Variants in RAB19 observed in about 807,000 individuals in gnomAD.
The protein encoded by RAB19 is RAB19, member RAS oncogene family.
In RAB19, 21 loss-of-function variants were observed where a neutral mutation model predicts 17.3. The observed-to-expected ratio is 1.21, with a 90% CI of 0.86 to 1.74. RAB19 has a LOEUF of 1.74. Among genes scored for constraint, RAB19 ranks in the 40% most tolerant of loss-of-function variants. RAB19 has a pLI of 0.00. For missense variants in RAB19, 277 were observed against 286.8 expected (o/e 0.97, Z 0.25); for synonymous variants, 126 against 110.4 (o/e 1.14, Z -0.88).
rs376464888 is a variant in RAB19 at position 140,420,773 on chromosome 7, C to G, written c.386-5109C>G. Among the ~76,000 whole-genome samples the G allele has an allele frequency of 1.3e-3, 199 of 152,250 alleles. 1 individual carries two copies. The South Asian group carries it at 0.018, about 13-fold the overall frequency. On this transcript the variant is annotated intron_variant, in intron 3 of 3. Transcript: ENST00000537763. ...GGCACTAGGTTCTCTTGAAGGAGGC[C>G]CCAGCCCTTTGTCAGTTACATATGT...
At chr7:140,425,763 C>A in intron 3 of RAB19, 119 bp from the exon 4 acceptor site, 1 of 1,084,108 alleles carries the variant, frequency 9.2e-7, no homozygotes, top group Non-Finnish European at 1.3e-6. Context: ...CCTCAATGAC[C>A]ATTTGTGAAT....
At chr7:140,419,607 C>T (rs1434484498) in intron 3 of RAB19, among the ~76,000 whole-genome samples, 1 of 152,158 alleles carries the variant, frequency 6.6e-6, no homozygotes, top group Non-Finnish European at 1.5e-5. Flanking sequence ...AATTGCTGCT[C>T]CGAACATTCT....
intron 2 of RAB19, among the ~76,000 whole-genome samples, chr7:140,411,518 A>G (rs902024026): frequency 4.0e-5 from 6 of 150,164 alleles, no homozygotes; most frequent in African/African-American, 9.9e-5. Flanking sequence ...TTACACTAAC[A>G]CTAATGATAC....
At chr7:140,419,748 A>C (rs903999783) in intron 3 of RAB19, among the ~76,000 whole-genome samples, 1 of 152,156 alleles carries the variant, frequency 6.6e-6, no homozygotes, top group African/African-American at 2.4e-5. Flanking sequence ...GTGTACTCCC[A>C]TCAGCAGTGT....
At position 140,407,903 on chromosome 7, in the gene RAB19, T is replaced by G. The variant is rs1464178030; in HGVS notation, c.201+56T>G. The G allele has an allele frequency of 1.6e-5, 18 of 1,146,802 alleles. 1 individual carries two copies. Among genetic ancestry groups the G allele is most frequent in the Non-Finnish European group, 1.9e-5 (16 of 821,460 alleles). 71.0% of individuals were successfully genotyped at this position (1,146,802 alleles called of 1,614,324 possible). ...ACCTTTTTTTTTTTTTTTTTTTTTT[T>G]TTTCCTTGAGACGGAGTCTCGCGCG... On this transcript the variant is annotated intron_variant, in intron 2 of 3. Coordinates refer to ENST00000537763, the MANE Select transcript of RAB19 (RefSeq NM_001008749.3).
chr7:140,409,690 T>G (rs1447603018), intron 2 of RAB19, among the ~76,000 whole-genome samples: 1 of 151,456 alleles, frequency 6.6e-6, no homozygotes, highest in Non-Finnish European at 1.5e-5. Flanking sequence ...AGAGCAAGAC[T>G]CTGTCTCAAA....
intron 3 of RAB19, among the ~76,000 whole-genome samples, chr7:140,416,991 C>T (rs1012813944): frequency 2.3e-4 from 34 of 150,840 alleles, no homozygotes; most frequent in African/African-American, 6.8e-4. Context: ...TTTGGGAGGC[C>T]GAGGCAGGTG....
intron 3 of RAB19, among the ~76,000 whole-genome samples, chr7:140,414,270 G>A (rs1014635092): frequency 1.1e-4 from 16 of 152,036 alleles, no homozygotes; most frequent in African/African-American, 2.9e-4. Flanking sequence ...TCGAACTCCC[G>A]ACCTCAGATG....
chr7:140,419,863 A>G (rs1402080338), intron 3 of RAB19, among the ~76,000 whole-genome samples: 1 of 152,000 alleles, frequency 6.6e-6, no homozygotes, highest in Non-Finnish European at 1.5e-5. Flanking sequence ...AGTGTTTTTC[A>G]TTTGCATTTC....
intron 1 of RAB19, among the ~76,000 whole-genome samples, chr7:140,406,013 C>T (rs1799233697): frequency 1.3e-5 from 2 of 151,768 alleles, no homozygotes; most frequent in South Asian, 2.1e-4. Context: ...GAGGTCAAGG[C>T]GGGCAGATCA....
At chr7:140,416,370 G>A in intron 3 of RAB19, among the ~76,000 whole-genome samples, 1 of 152,090 alleles carries the variant, frequency 6.6e-6, no homozygotes, top group Non-Finnish European at 1.5e-5. Flanking sequence ...ACTTCAAATA[G>A]CTAGTTTAGC....
intron 3 of RAB19, among the ~76,000 whole-genome samples, chr7:140,423,738 G>T (rs73482573): frequency 0.021 from 3,162 of 152,298 alleles, 104 homozygotes; most frequent in African/African-American, 0.072. Flanking sequence ...ACTGTTCAGT[G>T]CTTTGACTGT....
rs1223242176 is a variant in RAB19 at position 140,408,058 on chromosome 7, T to TTA, written c.201+211_201+212insTA. On this transcript the variant is annotated intron_variant, in intron 2 of 3. Transcript: ENST00000537763. ...ACGCCCGGCAAATTTTTTTTTTTTT[T>TTA]ATGTATTTTTAGTAGAGATGGGGTT... is the stretch of plus-strand genomic sequence containing the variant. Among the ~76,000 whole-genome samples the TTA allele has an allele frequency of 2.0e-4, 30 of 149,798 alleles. 1 individual carries two copies. The highest frequency in any genetic ancestry group is 4.2e-4 in the African/African-American group (17 of 40,814).
intron 3 of RAB19, among the ~76,000 whole-genome samples, chr7:140,412,652 G>C (rs1799388903): frequency 6.6e-6 from 1 of 151,330 alleles, no homozygotes. Flanking sequence ...ACAGGCATGA[G>C]CCATTGTGCC....
chr7:140,424,605 CTCTCTCTCTCTCTCTA>C (rs777491213), intron 3 of RAB19, among the ~76,000 whole-genome samples: 17,988 of 122,212 alleles, frequency 0.15, 1,191 homozygotes, highest in Non-Finnish European at 0.19. Context: ...CTCTCTCTCT[CTCTCTCTCTCTCTCTA>C]TATATATATA....
chr7:140,415,081 C>CT (rs201147147), intron 3 of RAB19, among the ~76,000 whole-genome samples: 2,235 of 144,044 alleles, frequency 0.016, 25 homozygotes, highest in East Asian at 0.04. Context: ...CTTTTCTTTT[C>CT]TTTTTTTTTT....
chr7:140,426,057 A>G lies in RAB19; in HGVS notation c.561A>G (p.Leu187=). 1 of 1,614,114 alleles carries G rather than the reference A, an allele frequency of 6.2e-7. No individual in the cohort carries two copies. The highest frequency in any genetic ancestry group is 1.1e-5 in the South Asian group (1 of 91,082). The part of the protein sequence containing the change: ...KELIARNSLH[L]YGESALNGLP... ...TGATCGCGCGCAACAGCCTGCACCTATATGGGGAGAGTGCCCTGAACGGCC... is the reference window on the plus strand; with the variant it reads ...TGATCGCGCGCAACAGCCTGCACCTGTATGGGGAGAGTGCCCTGAACGGCC... Residue 187 remains leucine (L), a synonymous_variant, in exon 4 of 4, where the codon CTA becomes CTG. Coordinates refer to ENST00000537763, the MANE Select transcript of RAB19 (RefSeq NM_001008749.3).
chr7:140,421,533 T>C (rs1799563306), intron 3 of RAB19, among the ~76,000 whole-genome samples: 1 of 152,156 alleles, frequency 6.6e-6, no homozygotes, highest in Non-Finnish European at 1.5e-5. Flanking sequence ...CTAATTTTTA[T>C]ATTATGAGTA....
At chr7:140,412,116 T>C in intron 3 of RAB19, 59 bp downstream of exon 3, 1 of 1,473,768 alleles carries the variant, frequency 6.8e-7, no homozygotes, top group Non-Finnish European at 9.4e-7. Flanking sequence ...TGCTCAGCTT[T>C]CTGCATGTTT....
Sources: gnomAD v4.1 joint callset for allele counts (sites outside exome capture counted in the v4.1 genomes callset) on GRCh38, gnomAD v4.1.1 for gene constraint, MANE v1.5 for transcripts, NCBI Gene and HGNC (gene_info 2026-07-23, HGNC 2026-07-21) for gene names.